Variants in PACRGL observed in about 807,000 individuals in gnomAD.
PACRGL encodes parkin coregulated like.
PACRGL carries 38 observed loss-of-function variants against 34.5 expected under a neutral mutation model. The ratio of observed to expected loss-of-function variants is 1.10; its 90% confidence interval spans 0.85 to 1.44. The LOEUF (loss-of-function observed/expected upper bound fraction) is 1.44. Ranked by LOEUF, PACRGL falls within the 40% of genes most tolerant of loss-of-function variation. The probability of loss-of-function intolerance (pLI) is 0.00; values close to 1 mark genes in which losing one functional copy is unlikely to be tolerated. For missense variants in PACRGL, 305 were observed against 281.4 expected (o/e 1.08, Z -0.60); for synonymous variants, 128 against 100.1 (o/e 1.28, Z -1.66).
intron 7 of PACRGL, among the ~76,000 whole-genome samples, chr4:20,721,143 A>C (rs1047540531): frequency 6.6e-6 from 1 of 151,990 alleles, no homozygotes; most frequent in African/African-American, 2.4e-5. Context: ...TGCATTCGTC[A>C]TGTAGTTCTC....
the PACRGL span, among the ~76,000 whole-genome samples, chr4:20,764,681 G>GACACACACACACACACAC: frequency 8.8e-4 from 130 of 147,216 alleles, 2 homozygotes; most frequent in African/African-American, 2.2e-3. Flanking sequence ...ATGGGAATTG[G>GACACACACACACACACAC]ACACACACAC....
At chr4:20,727,087 T>TTAGA (rs1746023226) in intron 8 of PACRGL, among the ~76,000 whole-genome samples, 198 bp from the exon 9 acceptor site, 1 of 152,184 alleles carries the variant, frequency 6.6e-6, no homozygotes, top group South Asian at 2.1e-4. Flanking sequence ...ACTTCTCTAG[T>TTAGA]TAGATACTTC....
At chr4:20,722,007 C>A (rs1231986971) in intron 7 of PACRGL, among the ~76,000 whole-genome samples, 2 of 151,854 alleles carry the variant, frequency 1.3e-5, no homozygotes, top group Non-Finnish European at 3.0e-5. Context: ...TGTTTACCTG[C>A]TGAAACCTCA....
At chr4:20,755,617 A>G (rs1375984621), downstream of PACRGL, among the ~76,000 whole-genome samples, 1 of 152,180 alleles carries the variant, frequency 6.6e-6, no homozygotes, top group African/African-American at 2.4e-5. Flanking sequence ...TGAAATATAT[A>G]TTATTGGATT....
downstream of PACRGL, among the ~76,000 whole-genome samples, chr4:20,754,276 C>G (rs1433482594): frequency 6.6e-6 from 1 of 152,136 alleles, no homozygotes; most frequent in Admixed American, 6.5e-5. Flanking sequence ...ATAGAGAAAG[C>G]TAACAGCCTG....
upstream of PACRGL, among the ~76,000 whole-genome samples, chr4:20,697,077 C>T (rs183329101): frequency 5.1e-4 from 78 of 152,294 alleles, 1 homozygote; most frequent in African/African-American, 1.7e-3. Context: ...ACCTTATATG[C>T]TCACTCATGT....
intron 5 of PACRGL, among the ~76,000 whole-genome samples, chr4:20,711,216 T>C (rs1737025480): frequency 6.6e-6 from 1 of 152,170 alleles, no homozygotes; most frequent in Non-Finnish European, 1.5e-5. Flanking sequence ...GTAGTGAAGC[T>C]AATCATATTG....
intron 7 of PACRGL, among the ~76,000 whole-genome samples, chr4:20,715,192 A>G (rs1231990285): frequency 2.6e-5 from 4 of 152,222 alleles, no homozygotes; most frequent in African/African-American, 9.6e-5. Context: ...CAAACACCGC[A>G]TGTTCTCACT....
downstream of PACRGL, among the ~76,000 whole-genome samples, chr4:20,733,813 G>T (rs936103509): frequency 6.6e-6 from 1 of 152,118 alleles, no homozygotes; most frequent in Non-Finnish European, 1.5e-5. Context: ...CTGGCCCCAG[G>T]TGTCCTCTGT....
downstream of PACRGL, among the ~76,000 whole-genome samples, chr4:20,755,169 G>A (rs1754283035): frequency 6.6e-6 from 1 of 152,140 alleles, no homozygotes; most frequent in Admixed American, 6.6e-5. Flanking sequence ...GTCATCCAAA[G>A]TATATCCAAA....
chr4:20,731,078 C>CT lies in PACRGL; in HGVS notation c.*3744dup, dbSNP rs1236408360. ...TGTTTTCAGGATTATTTGAAAAATT[C>CT]TTTTTTTCTTTTTTTAGTTTTGAGG... On this transcript the variant is annotated 3_prime_UTR_variant, in exon 9 of 9. Transcript: ENST00000503585. Among the ~76,000 whole-genome samples the CT allele has an allele frequency of 6.6e-6, 1 of 152,046 alleles. No individual in the cohort carries two copies. The highest frequency in any genetic ancestry group is 1.5e-5 in the Non-Finnish European group (1 of 67,996).
At chr4:20,720,431 T>C (rs1343302535) in intron 7 of PACRGL, among the ~76,000 whole-genome samples, 1 of 152,224 alleles carries the variant, frequency 6.6e-6, no homozygotes, top group African/African-American at 2.4e-5. Flanking sequence ...GCCTCGATGG[T>C]CTTTACAATT....
chr4:20,732,235 T>TA lies in PACRGL; in HGVS notation c.*4895dup, dbSNP rs1328118758. Reference sequence around the variant, plus strand: ...AGCAGTTTTTTAGAGATAAAAATGATAGGGCCAAATGCTTCTGGCTTTTCC... The same window carrying TA: ...AGCAGTTTTTTAGAGATAAAAATGATAAGGGCCAAATGCTTCTGGCTTTTCC... On this transcript the variant is annotated 3_prime_UTR_variant, in exon 9 of 9. Transcript: ENST00000503585. Among the ~76,000 whole-genome samples, 3 of 152,202 alleles carry TA rather than the reference T, an allele frequency of 2.0e-5. No individual in the cohort carries two copies. Among genetic ancestry groups the TA allele is most frequent in the Admixed American group, 1.3e-4 (2 of 15,278 alleles).
chr4:20,716,200 G>C, intron 7 of PACRGL: 1 of 1,006,764 alleles, frequency 9.9e-7, no homozygotes, highest in Non-Finnish European at 1.5e-6. Flanking sequence ...GTTACTGGCT[G>C]TTATGGTTTC....
Position 20,728,512 on chromosome 4 carries a change from A to G in PACRGL, c.*1171A>G, listed in dbSNP as rs1746704705. ...CCTTGCTTTTACCTGTTTTCATTGC[A>G]TTGAGCACCATCCAGAGCTATCTGC... On this transcript the variant is annotated 3_prime_UTR_variant, in exon 9 of 9. Transcript: ENST00000503585. 3 of 152,436 alleles carry G rather than the reference A, an allele frequency of 2.0e-5. No homozygotes were observed. The highest frequency in any genetic ancestry group is 4.1e-4 in the South Asian group (2 of 4,834). 9.4% of individuals were successfully genotyped at this position (152,436 alleles called of 1,614,324 possible).
the PACRGL span, among the ~76,000 whole-genome samples, chr4:20,765,447 A>C: frequency 6.6e-6 from 1 of 152,190 alleles, no homozygotes; most frequent in Non-Finnish European, 1.5e-5. Flanking sequence ...ACCGATTAAA[A>C]TTTATTGTGC....
At chr4:20,741,670 A>C (rs186228124) in intron 8 of PACRGL, among the ~76,000 whole-genome samples, 38 of 152,328 alleles carry the variant, frequency 2.5e-4, no homozygotes, top group Non-Finnish European at 4.6e-4. Context: ...GTAGAGAAGC[A>C]AGAGCAAACA....
chr4:20,714,806 A>G lies in PACRGL; in HGVS notation c.609+1267A>G, dbSNP rs543426464. Among the ~76,000 whole-genome samples, 6 of 152,258 alleles carry G rather than the reference A, an allele frequency of 3.9e-5. No homozygotes were observed. In the East Asian group the frequency reaches 1.2e-3, roughly 29 times the overall value. The stretch of plus-strand genomic sequence containing the variant: ...TTGGAGAGGATGTGGAGAAATAGGA[A>G]CACTTTTACACTGTTGGTGGAACTG... On this transcript the variant is annotated intron_variant, in intron 7 of 8. Transcript: ENST00000503585.
At position 20,730,821 on chromosome 4, in the gene PACRGL, T is replaced by G. The variant is rs1251952818; in HGVS notation, c.*3480T>G. Among the ~76,000 whole-genome samples, 2 of 152,164 alleles carry G rather than the reference T, an allele frequency of 1.3e-5. No individual in the cohort carries two copies. Among genetic ancestry groups the G allele is most frequent in the African/African-American group, 4.8e-5 (2 of 41,446 alleles). The stretch of plus-strand genomic sequence containing the variant: ...TATTGGAGCACTTGTCAGTTGCATG[T>G]GAATAGCACTTACTGAGCTGTTTAT... On this transcript the variant is annotated 3_prime_UTR_variant, in exon 9 of 9. Coordinates refer to ENST00000503585, the MANE Select transcript of PACRGL (RefSeq NM_001258345.3).
Sources: allele counts gnomAD v4.1 joint callset (sites outside exome capture counted in the v4.1 genomes callset), GRCh38; gene constraint gnomAD v4.1.1; transcripts MANE v1.5; gene names NCBI Gene and HGNC (gene_info 2026-07-23, HGNC 2026-07-21).